Variants in ACTR3C observed in about 807,000 individuals in gnomAD.
ACTR3C encodes actin-related protein 3C.
ACTR3C carries 18 observed loss-of-function variants against 26.3 expected under a neutral mutation model. That is an observed-to-expected ratio of 0.68 (90% CI 0.47 to 1.01). The LOEUF (loss-of-function observed/expected upper bound fraction) is 1.01. ACTR3C is among the 50% of genes least tolerant of loss of function. The pLI is 0.00. For missense variants in ACTR3C, 184 were observed against 250.7 expected, an observed-to-expected ratio of 0.73 and a Z score of 1.80; for synonymous variants, 55 against 94.5, an observed-to-expected ratio of 0.58 and a Z score of 2.42.
chr7:150,207,916 T>C, the ACTR3C span, among the ~76,000 whole-genome samples: 1 of 151,976 alleles, frequency 6.6e-6, no homozygotes, highest in Admixed American at 6.5e-5. Flanking sequence ...AAGTCATGAT[T>C]TCTAAAATCA....
chr7:150,198,453 G>A, the ACTR3C span, among the ~76,000 whole-genome samples: 2 of 140,574 alleles, frequency 1.4e-5, no homozygotes, highest in African/African-American at 2.8e-5. Flanking sequence ...GTCTCTGCCC[G>A]GCCGCCCATC....
chr7:150,055,736 G>A, the ACTR3C span, among the ~76,000 whole-genome samples: 1 of 152,120 alleles, frequency 6.6e-6, no homozygotes, highest in African/African-American at 2.4e-5. Flanking sequence ...CCTTAGCAGA[G>A]AGCCTTTCCC....
At chr7:149,909,826 A>C in the ACTR3C span, 1 of 287,284 alleles carries the variant, frequency 3.5e-6, no homozygotes, top group Non-Finnish European at 5.8e-6. Flanking sequence ...TACTCCTTGA[A>C]ATTAAAAAAA....
At chr7:150,253,412 T>C (rs1411115174) in intron 6 of ACTR3C, among the ~76,000 whole-genome samples, 2 of 152,190 alleles carry the variant, frequency 1.3e-5, no homozygotes, top group Non-Finnish European at 2.9e-5. Flanking sequence ...CCGATTTTAA[T>C]ATTTTTTTCT....
chr7:150,209,722 TACACACACACAC>T, the ACTR3C span, among the ~76,000 whole-genome samples: 278 of 129,304 alleles, frequency 2.1e-3, no homozygotes, highest in Middle Eastern at 0.019. Context: ...CTACTAAAAA[TACACACACACAC>T]ACACACACAC....
chr7:149,992,754 G>A, the ACTR3C span, among the ~76,000 whole-genome samples: 4 of 152,204 alleles, frequency 2.6e-5, no homozygotes, highest in Admixed American at 1.3e-4. Flanking sequence ...GGATGTATGT[G>A]TATATGAAAC....
At position 150,249,044 on chromosome 7, in the gene ACTR3C, A is replaced by G. The variant is rs1396560011; in HGVS notation, c.575T>C (p.Ile192Thr). Residue 192 changes from isoleucine to threonine, a missense_variant, in exon 7 of 8, where the codon ATT becomes ACT. By Grantham distance (89) the Ile-to-Thr change is moderately conservative. Transcript: ENST00000683684. ...GTGACCTTGAGGATAGCTCAGTGGA[A>G]TTTGTTCCATCTGAAAAACAGAGAA... ...VRRPLYKMEQ[I>T]PLSYPQGHGF... is the part of the protein sequence containing the mutation. The G allele has an allele frequency of 3.0e-6, 2 of 675,002 alleles. No individual in the cohort carries two copies. The highest frequency in any genetic ancestry group is 5.5e-5 in the East Asian group (2 of 36,636). 41.8% of individuals were successfully genotyped at this position (675,002 alleles called of 1,614,324 possible).
chr7:149,954,096 T>G, the ACTR3C span, among the ~76,000 whole-genome samples: 1 of 147,348 alleles, frequency 6.8e-6, no homozygotes, highest in African/African-American at 2.5e-5. Context: ...TCTTGTTCCT[T>G]TTTTTTGGTA....
the ACTR3C span, among the ~76,000 whole-genome samples, chr7:149,882,423 C>T: frequency 6.6e-6 from 1 of 152,196 alleles, no homozygotes; most frequent in African/African-American, 2.4e-5. Context: ...CTGCTCGCTG[C>T]TCTCTGGGCA....
the ACTR3C span, among the ~76,000 whole-genome samples, chr7:150,042,747 G>T: frequency 6.0e-5 from 9 of 150,930 alleles, no homozygotes; most frequent in African/African-American, 1.5e-4. Context: ...TCTAATAGGG[G>T]GGCCATCCTT....
the ACTR3C span, among the ~76,000 whole-genome samples, chr7:150,014,184 G>A: frequency 2.0e-5 from 3 of 152,152 alleles, no homozygotes; most frequent in East Asian, 1.9e-4. Context: ...GGCCGGGCAC[G>A]GTGGCTCACG....
At chr7:149,919,192 TACTC>T in the ACTR3C span, among the ~76,000 whole-genome samples, 6 of 151,978 alleles carry the variant, frequency 3.9e-5, no homozygotes, top group African/African-American at 1.2e-4. Context: ...AATCAAATAA[TACTC>T]ACGCTTTCTT....
chr7:150,188,215 T>G, the ACTR3C span, among the ~76,000 whole-genome samples: 8,025 of 151,806 alleles, frequency 0.053, 388 homozygotes, highest in African/African-American at 0.18. Context: ...TAATAGAGTT[T>G]ATAGCTTTTT....
chr7:149,942,131 C>T, the ACTR3C span, among the ~76,000 whole-genome samples: 1 of 138,512 alleles, frequency 7.2e-6, no homozygotes, highest in South Asian at 2.2e-4. Flanking sequence ...GGTGTGTGTG[C>T]GTGCATGTGT....
the ACTR3C span, among the ~76,000 whole-genome samples, chr7:149,960,439 TG>T: frequency 2.0e-5 from 3 of 152,134 alleles, no homozygotes; most frequent in Admixed American, 1.3e-4. Flanking sequence ...TGTAAAAAAA[TG>T]CATACTACAA....
the ACTR3C span, among the ~76,000 whole-genome samples, chr7:149,888,363 C>A: frequency 6.6e-6 from 1 of 152,208 alleles, no homozygotes; most frequent in African/African-American, 2.4e-5. Context: ...TGCCAAATTT[C>A]TCTCCAAAAT....
At chr7:150,142,916 C>A in the ACTR3C span, among the ~76,000 whole-genome samples, 1 of 151,990 alleles carries the variant, frequency 6.6e-6, no homozygotes, top group Non-Finnish European at 1.5e-5. Flanking sequence ...CTCACAGCAA[C>A]CTCCACCTCC....
At chr7:150,059,837 G>A in the ACTR3C span, among the ~76,000 whole-genome samples, 6 of 152,136 alleles carry the variant, frequency 3.9e-5, no homozygotes, top group African/African-American at 1.4e-4. Context: ...CTCTTCCCGG[G>A]GCAGGAGGGA....
chr7:150,039,532 A>T, the ACTR3C span, among the ~76,000 whole-genome samples: 1 of 87,628 alleles, frequency 1.1e-5, no homozygotes, highest in African/African-American at 3.9e-5. Context: ...CCCTCCTGCG[A>T]TGGGGGTCCC....
Sources: gnomAD v4.1 joint callset for allele counts (sites outside exome capture counted in the v4.1 genomes callset) on GRCh38, gnomAD v4.1.1 for gene constraint, MANE v1.5 for transcripts, NCBI Gene and HGNC (gene_info 2026-07-23, HGNC 2026-07-21) for gene names.